Variants in SORCS1 observed in about 807,000 individuals in gnomAD.
SORCS1 encodes sortilin related VPS10 domain containing receptor 1, also known as VPS10 domain-containing receptor SorCS1.
In SORCS1, 60 loss-of-function variants were observed where a neutral mutation model predicts 146.1. The ratio of observed to expected loss-of-function variants is 0.41; its 90% CI spans 0.33 to 0.51. The LOEUF is 0.51. Ranked by LOEUF, SORCS1 falls within the 20% of genes least tolerant of loss-of-function variation. The pLI is 0.21. For missense variants in SORCS1, 1,352 were observed against 1,487.6 expected, an observed-to-expected ratio of 0.91 and a Z score of 1.50; for synonymous variants, 637 against 584.0, an observed-to-expected ratio of 1.09 and a Z score of -1.31.
intron 2 of SORCS1, among the ~76,000 whole-genome samples, chr10:106,837,285 A>G (rs1241875112): frequency 6.6e-6 from 1 of 152,182 alleles, no homozygotes; most frequent in Non-Finnish European, 1.5e-5. Flanking sequence ...CCAAGAAAAA[A>G]TAGAAAAGAG....
chr10:106,876,885 C>T (rs1314402969), intron 2 of SORCS1, among the ~76,000 whole-genome samples: 3 of 152,206 alleles, frequency 2.0e-5, no homozygotes, highest in Non-Finnish European at 2.9e-5. Flanking sequence ...TTAATCAGTC[C>T]TTCTCTTCTG....
chr10:106,640,820 A>C (rs1849026273), intron 18 of SORCS1, among the ~76,000 whole-genome samples: 1 of 152,196 alleles, frequency 6.6e-6, no homozygotes, highest in South Asian at 2.1e-4. Context: ...TCTCAGTGCA[A>C]AACACCTTCA....
In SORCS1 at chr10:106,959,973, C is replaced by CATATACATCTCAAAATGCATATGAACAT. The variant is rs573606884; in HGVS notation, c.559-3421_559-3394dup. ...AAAAGCAAAGCTGTTTTGATGAACA[C>CATATACATCTCAAAATGCATATGAACAT]ATATACATCTCAAAATGCATATGAA... On this transcript the variant is annotated intron_variant, in intron 1 of 25. Coordinates refer to ENST00000263054, the MANE Select transcript of SORCS1 (RefSeq NM_052918.5). Among the ~76,000 whole-genome samples the CATATACATCTCAAAATGCATATGAACAT allele has an allele frequency of 2.2e-4, 33 of 152,300 alleles. 1 individual carries two copies. In the South Asian group the frequency reaches 5.2e-3, roughly 24 times the overall value.
intron 1 of SORCS1, among the ~76,000 whole-genome samples, chr10:107,061,071 C>T (rs1314234412): frequency 6.6e-6 from 1 of 151,916 alleles, no homozygotes; most frequent in Non-Finnish European, 1.5e-5. Flanking sequence ...TGTATTCCAT[C>T]AAGAAAAAGG....
At chr10:106,732,742 G>C (rs3903709) in intron 5 of SORCS1, among the ~76,000 whole-genome samples, 1 of 151,872 alleles carries the variant, frequency 6.6e-6, no homozygotes, top group African/African-American at 2.4e-5. Context: ...ATAAATAATA[G>C]CAGTAGTTTT....
chr10:106,980,398 T>A (rs922993579), intron 1 of SORCS1, among the ~76,000 whole-genome samples: 1 of 152,250 alleles, frequency 6.6e-6, no homozygotes, highest in Non-Finnish European at 1.5e-5. Flanking sequence ...TTGCCTTCTA[T>A]CTTGGAGAAC....
Position 106,895,121 on chromosome 10 carries a change from G to C in SORCS1, c.626+61392C>G, listed in dbSNP as rs181617724. Among the ~76,000 whole-genome samples the C allele has an allele frequency of 3.7e-4, 56 of 152,250 alleles. No individual in the cohort carries two copies. In the East Asian group the frequency reaches 0.01, roughly 28 times the overall value. On this transcript the variant is annotated intron_variant, in intron 2 of 25. Transcript: ENST00000263054. ...GATGAGTGCTAAGACCTCACAGTTA[G>C]ATGATTTCCTGCTCACCTTCCTCAA...
At chr10:106,771,143 C>G (rs185071368) in intron 4 of SORCS1, among the ~76,000 whole-genome samples, 2 of 152,358 alleles carry the variant, frequency 1.3e-5, no homozygotes, top group Admixed American at 6.5e-5. Context: ...CAAATCCTAA[C>G]AGAGGCTCCA....
At chr10:106,680,991 A>T (rs145644905) in intron 10 of SORCS1, among the ~76,000 whole-genome samples, 96 of 152,334 alleles carry the variant, frequency 6.3e-4, no homozygotes, top group Middle Eastern at 6.8e-3. Context: ...ACAAAGTAAA[A>T]CTCTCAAGGT....
At chr10:106,675,196 G>GAA in intron 13 of SORCS1, 40 bp from the exon 14 acceptor site, 1 of 1,396,680 alleles carries the variant, frequency 7.2e-7, no homozygotes, top group Non-Finnish European at 9.9e-7. Context: ...ATCTCCAAAG[G>GAA]AAAAAAAAAT....
chr10:107,057,018 C>G (rs75950710), intron 1 of SORCS1, among the ~76,000 whole-genome samples: 2 of 152,166 alleles, frequency 1.3e-5, no homozygotes, highest in East Asian at 3.9e-4. Flanking sequence ...ATCCAGTTCC[C>G]GCTTTCTAAA....
intron 2 of SORCS1, among the ~76,000 whole-genome samples, chr10:106,860,952 T>C (rs1292827432): frequency 1.3e-5 from 2 of 152,208 alleles, no homozygotes; most frequent in African/African-American, 4.8e-5. Flanking sequence ...TGCACTGTAC[T>C]TGAAATGAAA....
chr10:106,662,723 G>A (rs1240650051), intron 17 of SORCS1, among the ~76,000 whole-genome samples: 4 of 152,090 alleles, frequency 2.6e-5, no homozygotes, highest in African/African-American at 9.7e-5. Flanking sequence ...CCCTTCCCCA[G>A]GATCATTTCT....
chr10:106,924,728 C>CTT (rs71025565), intron 2 of SORCS1, among the ~76,000 whole-genome samples: 73,043 of 138,430 alleles, frequency 0.53, 20,123 homozygotes, highest in Non-Finnish European at 0.63. Context: ...ATTCCCAAGT[C>CTT]TTTTTTTTTT....
intron 22 of SORCS1, among the ~76,000 whole-genome samples, chr10:106,607,896 TGCA>T (rs1378817607): frequency 3.3e-5 from 5 of 152,194 alleles, no homozygotes; most frequent in Non-Finnish European, 1.5e-5. Context: ...TTGACTTTTC[TGCA>T]GCATCAGACC....
At chr10:106,679,513 G>A in intron 11 of SORCS1, 119 bp downstream of exon 11, 1 of 1,036,710 alleles carries the variant, frequency 9.6e-7, no homozygotes, top group Non-Finnish European at 1.4e-6. Flanking sequence ...TTTTTAGCTT[G>A]CTCATTAAGT....
At chr10:106,887,683 G>T (rs1221758899) in intron 2 of SORCS1, among the ~76,000 whole-genome samples, 3 of 151,924 alleles carry the variant, frequency 2.0e-5, no homozygotes, top group African/African-American at 7.3e-5. Flanking sequence ...CAAATAATTA[G>T]CTTAAAACAT....
chr10:106,829,782 T>A, intron 2 of SORCS1, 109 bp from the exon 3 acceptor site: 1 of 695,078 alleles, frequency 1.4e-6, no homozygotes, highest in Non-Finnish European at 2.5e-6. Context: ...GGTTTCTCAA[T>A]GATTCATGTA....
chr10:106,673,833 C>T (rs1189570971), intron 14 of SORCS1, among the ~76,000 whole-genome samples: 1 of 152,144 alleles, frequency 6.6e-6, no homozygotes, highest in East Asian at 1.9e-4. Context: ...GTTTGAATTA[C>T]CAACCATAGG....
Sources: gnomAD v4.1 joint callset for allele counts (sites outside exome capture counted in the v4.1 genomes callset) on GRCh38, gnomAD v4.1.1 for gene constraint, MANE v1.5 for transcripts, NCBI Gene and HGNC (gene_info 2026-07-23, HGNC 2026-07-21) for gene names.